The following TMUB2 variants were observed in gnomAD, a reference collection of about 807,000 sequenced individuals.
TMUB2 encodes the protein transmembrane and ubiquitin-like domain-containing protein 2.
A neutral mutation model predicts 20.2 loss-of-function variants in TMUB2; 19 were observed. That is an observed-to-expected ratio of 0.94 (90% CI 0.66 to 1.38). TMUB2 has a LOEUF of 1.38. TMUB2 is among the 40% of genes most tolerant of loss of function. The pLI is 0.00. For missense variants in TMUB2, 426 were observed against 402.5 expected (o/e 1.06, Z -0.50); for synonymous variants, 186 against 166.0 (o/e 1.12, Z -0.92).
chr17:44,190,682 G>C lies in TMUB2; in HGVS notation c.784G>C (p.Glu262Gln). Residue 262 changes from glutamate to glutamine, a missense_variant, in exon 4 of 4, where the codon GAG becomes CAG. Glu to Gln is a conservative substitution (Grantham distance 29). Coordinates refer to ENST00000538716, the MANE Select transcript of TMUB2 (RefSeq NM_001076674.3). Reference protein sequence around the residue: ...PSASLAPSATEPPSLGVNVGS... With the variant: ...PSASLAPSATQPPSLGVNVGS... ...AGCCTCCTTGGCCCCCTCGGCCACTGAGCCACCCAGCCTTGGTGTCAATGT... is the reference window on the plus strand; with the variant it reads ...AGCCTCCTTGGCCCCCTCGGCCACTCAGCCACCCAGCCTTGGTGTCAATGT... 6.2e-7 allele frequency: 1 copy of C among 1,614,192 alleles called. No homozygotes were observed. The highest frequency in any genetic ancestry group is 8.5e-7 in the Non-Finnish European group (1 of 1,180,044).
intron 2 of TMUB2, chr17:44,187,968 T>C (rs1414024158): frequency 1.8e-6 from 1 of 558,830 alleles, no homozygotes; most frequent in Non-Finnish European, 3.2e-6. Flanking sequence ...GAGAAATACA[T>C]ACGATCCTTG....
At chr17:44,187,953 A>G (rs2054715796) in intron 2 of TMUB2, 1 of 583,322 alleles carries the variant, frequency 1.7e-6, no homozygotes, top group Non-Finnish European at 3.1e-6. Flanking sequence ...ACACTTCAGT[A>G]CCAAGAGAAA....
rs564460354 is a variant in TMUB2 at position 44,191,354 on chromosome 17, G to C, written c.*490G>C. 2 of 988,592 alleles carry C rather than the reference G, an allele frequency of 2.0e-6. No homozygotes were observed. The highest frequency in any genetic ancestry group is 3.5e-5 in the African/African-American group (2 of 57,418). 61.2% of individuals were successfully genotyped at this position (988,592 alleles called of 1,614,324 possible). A position where few individuals can be genotyped will look rare whatever the true frequency, so the allele number is the denominator to read the frequency against. The stretch of plus-strand genomic sequence containing the variant: ...AATCACACTGGCGGGAATGAAGATT[G>C]TGCCAGCCTTCTCTTATGGGCACCT... On this transcript the variant is annotated 3_prime_UTR_variant, in exon 4 of 4. Transcript: ENST00000538716.
rs575456538 is a variant in TMUB2 at position 44,190,623 on chromosome 17, G to A, written c.725G>A (p.Arg242His). ...ITDNCVIHCHRSPPGSAVPGP... is the reference protein window; with the variant it reads ...ITDNCVIHCHHSPPGSAVPGP... ...GACAACTGTGTGATTCACTGCCACC[G>A]CTCACCCCCAGGGTCAGCTGTTCCA... Residue 242 changes from arginine to histidine, a missense_variant, in exon 4 of 4, where the codon CGC becomes CAC. Transcript: ENST00000538716. The A allele has an allele frequency of 7.4e-6, 12 of 1,614,162 alleles. No individual in the cohort carries two copies. The East Asian group carries it at 1.8e-4, about 24-fold the overall frequency.
rs1219639388 is a variant in TMUB2, at chr17:44,188,973, G to A, written c.36-49G>A. On this transcript the variant is annotated intron_variant, in intron 2 of 3. Coordinates refer to ENST00000538716, the MANE Select transcript of TMUB2 (RefSeq NM_001076674.3). ...AGAACCTAAACAAACTAGAGACCTG[G>A]TTGCAACCCCTCAGGCTCTGCTGAT... 8 of 1,541,912 alleles carry A rather than the reference G, an allele frequency of 5.2e-6. No homozygotes were observed. The South Asian group carries it at 8.7e-5, about 17-fold the overall frequency.
Position 44,191,172 on chromosome 17 carries a change from C to T in TMUB2, c.*308C>T. Reference sequence around the variant, plus strand: ...GGGAGCCTGGGCTCTGAGATTCCCTCCCACCTGTGGTTCTGACTCTTCCCA... The same window carrying T: ...GGGAGCCTGGGCTCTGAGATTCCCTTCCACCTGTGGTTCTGACTCTTCCCA... On this transcript the variant is annotated 3_prime_UTR_variant, in exon 4 of 4. Coordinates refer to ENST00000538716, the MANE Select transcript of TMUB2 (RefSeq NM_001076674.3). 1.5e-5 allele frequency: 17 copies of T among 1,129,896 alleles called. No homozygotes were observed. The highest frequency in any genetic ancestry group is 1.9e-5 in the Non-Finnish European group (17 of 918,796). The allele number at this position is 1,129,896 out of a possible 1,614,324, so 70.0% of individuals were successfully genotyped here. A position where few individuals can be genotyped will look rare whatever the true frequency, so the allele number is the denominator to read the frequency against.
In TMUB2 at chr17:44,188,916, C is replaced by T; in HGVS notation, c.36-106C>T. 6 of 1,441,148 alleles carry T rather than the reference C, an allele frequency of 4.2e-6. No homozygotes were observed. The South Asian group carries it at 9.1e-5, about 22-fold the overall frequency. The allele number at this position is 1,441,148 out of a possible 1,614,324, so 89.3% of individuals were successfully genotyped here. ...GCCCCCTTCTACACAACACTGAACT[C>T]CTTTTTTTTTTTTTTCAGGGCTGGG... On this transcript the variant is annotated intron_variant, in intron 2 of 3. Transcript: ENST00000538716.
At position 44,189,284 on chromosome 17, in the gene TMUB2, C is replaced by T; in HGVS notation, c.298C>T (p.Pro100Ser). Reference protein sequence around the residue: ...GQGNPEPTELPHPSEGNDEKA... With the variant: ...GQGNPEPTELSHPSEGNDEKA... ...AGGCAACCCCGAGCCAACTGAACTC[C>T]CCCATCCATCAGAGGGTAATGATGA... Residue 100 changes from proline to serine, a missense_variant, in exon 3 of 4, where the codon CCC becomes TCC. By Grantham distance (74) the Pro-to-Ser change is moderately conservative (BLOSUM62 -1). Coordinates refer to ENST00000538716, the MANE Select transcript of TMUB2 (RefSeq NM_001076674.3). 1 of 1,603,052 alleles carries T rather than the reference C, an allele frequency of 6.2e-7. No homozygotes were observed. Among genetic ancestry groups the T allele is most frequent in the Non-Finnish European group, 8.5e-7 (1 of 1,173,678 alleles).
In TMUB2 at chr17:44,189,349, T is replaced by C. The variant is rs1555568040; in HGVS notation, c.363T>C (p.Thr121=). Residue 121 remains threonine, a synonymous_variant, in exon 3 of 4, where the codon ACT becomes ACC. Transcript: ENST00000538716. ...EEAGEGRGDS[T]GEAGAGGGVE... ...CGGGTGAAGGTCGGGGAGACTCCACTGGGGAGGCTGGAGCTGGGGGTGGTG... is the reference window on the plus strand; with the variant it reads ...CGGGTGAAGGTCGGGGAGACTCCACCGGGGAGGCTGGAGCTGGGGGTGGTG... 1 of 1,601,758 alleles carries C rather than the reference T, an allele frequency of 6.2e-7. No homozygotes were observed. The highest frequency in any genetic ancestry group is 1.1e-5 in the South Asian group (1 of 88,896).
Position 44,189,436 on chromosome 17 carries a change from A to G in TMUB2, c.450A>G (p.Ala150=). 1 of 1,614,116 alleles carries G rather than the reference A, an allele frequency of 6.2e-7. No individual in the cohort carries two copies. The highest frequency in any genetic ancestry group is 1.1e-5 in the South Asian group (1 of 91,084). Residue 150 remains alanine, a synonymous_variant, in exon 3 of 4, where the codon GCA becomes GCG. Coordinates refer to ENST00000538716, the MANE Select transcript of TMUB2 (RefSeq NM_001076674.3). ...GCCTGCCCAAAAGACAAGCAGGTGCAGGCAGCAGCAGTCCAGAGGCCCCCC... is the reference window on the plus strand; with the variant it reads ...GCCTGCCCAAAAGACAAGCAGGTGCGGGCAGCAGCAGTCCAGAGGCCCCCC... ...IQGLPKRQAG[A]GSSSPEAPLR... is the part of the protein sequence containing the mutation.
chr17:44,189,191 G>A lies in TMUB2; in HGVS notation c.205G>A (p.Ala69Thr), dbSNP rs1335570508. The A allele has an allele frequency of 1.9e-6, 3 of 1,614,104 alleles. No homozygotes were observed. The highest frequency in any genetic ancestry group is 1.1e-5 in the South Asian group (1 of 91,088). The part of the protein sequence containing the change: ...ADSGSNQLLG[A>T]IVSAGDTSVL... Reference sequence around the variant, plus strand: ...CAGCGGTAGCAACCAGCTCCTGGGCGCTATTGTGTCAGCAGGCGACACATC... The same window carrying A: ...CAGCGGTAGCAACCAGCTCCTGGGCACTATTGTGTCAGCAGGCGACACATC... Residue 69 changes from alanine (A) to threonine (T), a missense_variant, in exon 3 of 4, where the codon GCT becomes ACT. By Grantham distance (58) the Ala-to-Thr change is moderately conservative. Transcript: ENST00000538716.
rs1320816562 is a variant in TMUB2 at position 44,191,115 on chromosome 17, AAGG to A, written c.*254_*256del. Reference sequence around the variant, plus strand: ...CTTCCTTCACTTTTAGGGTCCTCTGAAGGAGTTCAAAGCTGCTGGCCAAGCTCA... The same window carrying A: ...CTTCCTTCACTTTTAGGGTCCTCTGAAGTTCAAAGCTGCTGGCCAAGCTCA... On this transcript the variant is annotated 3_prime_UTR_variant, in exon 4 of 4. Coordinates refer to ENST00000538716, the MANE Select transcript of TMUB2 (RefSeq NM_001076674.3). The A allele has an allele frequency of 1.6e-6, 2 of 1,227,038 alleles. No individual in the cohort carries two copies. Among genetic ancestry groups the A allele is most frequent in the African/African-American group, 3.1e-5 (2 of 64,882 alleles). The allele number at this position is 1,227,038 out of a possible 1,614,324, so 76.0% of individuals were successfully genotyped here.
Sources: allele counts gnomAD v4.1 joint callset, GRCh38; gene constraint gnomAD v4.1.1; transcripts MANE v1.5; gene names NCBI Gene and HGNC (gene_info 2026-07-23, HGNC 2026-07-21).